The following SAMD12 variants were observed in gnomAD, a reference collection of about 807,000 sequenced individuals.
SAMD12 encodes sterile alpha motif domain containing 12, also known as sterile alpha motif domain-containing protein 12.
SAMD12 carries 9 observed loss-of-function variants against 15.0 expected under a neutral mutation model. That is an observed-to-expected ratio of 0.60 (90% CI 0.36 to 1.05). The LOEUF (loss-of-function observed/expected upper bound fraction) is 1.05. SAMD12 is among the 50% of genes least tolerant of loss of function. The probability of loss-of-function intolerance (pLI) is 0.01; values close to 1 mark genes in which losing one functional copy is unlikely to be tolerated. For synonymous variants in SAMD12, 86 were observed against 90.1 expected (o/e 0.96, Z 0.25); for missense variants, 230 against 234.2 (o/e 0.98, Z 0.12).
intron 2 of SAMD12, among the ~76,000 whole-genome samples, chr8:118,546,552 A>T (rs1221691278): frequency 6.6e-6 from 1 of 152,158 alleles, no homozygotes; most frequent in Non-Finnish European, 1.5e-5. Flanking sequence ...GCCCTATAAA[A>T]TACTTTAAAT....
At chr8:118,356,291 G>A (rs1818219801) in intron 4 of SAMD12, among the ~76,000 whole-genome samples, 2 of 152,176 alleles carry the variant, frequency 1.3e-5, no homozygotes, top group South Asian at 2.1e-4. Flanking sequence ...ACCATGGTGA[G>A]CCACTCTGTG....
chr8:118,535,848 C>T (rs1442372751), intron 2 of SAMD12, among the ~76,000 whole-genome samples: 5 of 152,212 alleles, frequency 3.3e-5, no homozygotes, highest in Non-Finnish European at 5.9e-5. Context: ...CCTTCTGTCA[C>T]GGCTCCCCTT....
In SAMD12 at chr8:118,302,044, C is replaced by G. The variant is rs1295226377; in HGVS notation, c.433+77516G>C. Among the ~76,000 whole-genome samples, 3 of 137,466 alleles carry G rather than the reference C, an allele frequency of 2.2e-5. No homozygotes were observed. The East Asian group carries it at 6.5e-4, about 30-fold the overall frequency. The allele number at this position is 137,466 out of a possible 152,430, so 90.2% of individuals were successfully genotyped here. On this transcript the variant is annotated intron_variant, in intron 4 of 4. Coordinates refer to the SAMD12 transcript ENST00000409003. ...ACAGATACTAGATTCAGGTAAAACT[C>G]TTCACAACATTTTCTAGCGCCAGAT...
the SAMD12 span, among the ~76,000 whole-genome samples, chr8:118,136,422 G>A: frequency 6.6e-6 from 1 of 152,202 alleles, no homozygotes; most frequent in Non-Finnish European, 1.5e-5. Flanking sequence ...AAAGTCATAA[G>A]GGAGAACTTA....
chr8:118,238,162 T>C (rs1040157464), intron 4 of SAMD12, among the ~76,000 whole-genome samples: 8 of 151,706 alleles, frequency 5.3e-5, no homozygotes, highest in African/African-American at 2.4e-5. Context: ...AAAATGGGGG[T>C]AGTAATAATA....
At chr8:118,603,784 C>A (rs1402511) in intron 1 of SAMD12, among the ~76,000 whole-genome samples, 72,604 of 151,950 alleles carry the variant, frequency 0.48, 20,711 homozygotes, top group Non-Finnish European at 0.62. Flanking sequence ...GAACAAATAT[C>A]AGAATTCTTT....
chr8:118,248,040 G>A (rs576502327), intron 4 of SAMD12, among the ~76,000 whole-genome samples: 45 of 152,144 alleles, frequency 3.0e-4, no homozygotes, highest in African/African-American at 9.1e-4. Flanking sequence ...CACAGATCCT[G>A]CTCTCAGAGT....
intron 2 of SAMD12, among the ~76,000 whole-genome samples, chr8:118,472,056 G>A (rs1048946882): frequency 1.3e-5 from 2 of 152,188 alleles, no homozygotes; most frequent in Non-Finnish European, 2.9e-5. Flanking sequence ...GGGAGGCCGA[G>A]GCGGGTGAAT....
intron 3 of SAMD12, 61 bp from the exon 4 acceptor site, chr8:118,379,761 C>T (rs1272299906): frequency 1.9e-6 from 3 of 1,573,372 alleles, no homozygotes; most frequent in Non-Finnish European, 2.6e-6. Context: ...GAAAGATGTC[C>T]ATTTTGGTCT....
At chr8:118,228,087 G>A (rs577441714) in intron 4 of SAMD12, among the ~76,000 whole-genome samples, 2 of 152,312 alleles carry the variant, frequency 1.3e-5, no homozygotes, top group South Asian at 4.1e-4. Flanking sequence ...GCCACATGTA[G>A]GAGAATGAAA....
intron 2 of SAMD12, among the ~76,000 whole-genome samples, chr8:118,454,978 T>A (rs1586730938): frequency 6.6e-6 from 1 of 152,234 alleles, no homozygotes; most frequent in Non-Finnish European, 1.5e-5. Context: ...CCCTCCTTTT[T>A]GAGGATGAAT....
At chr8:118,306,879 G>A (rs1214963400) in intron 4 of SAMD12, among the ~76,000 whole-genome samples, 1 of 152,090 alleles carries the variant, frequency 6.6e-6, no homozygotes, top group African/African-American at 2.4e-5. Context: ...TTTATACTTA[G>A]AATTGACGTA....
At chr8:118,297,450 C>T (rs528196553) in intron 4 of SAMD12, among the ~76,000 whole-genome samples, 3 of 152,158 alleles carry the variant, frequency 2.0e-5, no homozygotes, top group Admixed American at 6.5e-5. Context: ...CACCACCTTC[C>T]GAAGGGACTA....
At chr8:118,229,908 C>A (rs986971762) in intron 4 of SAMD12, among the ~76,000 whole-genome samples, 9 of 152,068 alleles carry the variant, frequency 5.9e-5, no homozygotes, top group Non-Finnish European at 1.3e-4. Flanking sequence ...AGGCTTCAAC[C>A]CTTATGAGTT....
At chr8:118,463,716 TTC>T (rs1280351745) in intron 2 of SAMD12, among the ~76,000 whole-genome samples, 1 of 152,048 alleles carries the variant, frequency 6.6e-6, no homozygotes, top group Admixed American at 6.6e-5. Flanking sequence ...GTCCCTTAAA[TTC>T]TCTCTGATTA....
intron 2 of SAMD12, among the ~76,000 whole-genome samples, chr8:118,514,458 A>G (rs1204436085): frequency 6.6e-6 from 1 of 152,208 alleles, no homozygotes; most frequent in East Asian, 1.9e-4. Context: ...TCTGTAAGTC[A>G]GACATTCTCA....
chr8:118,183,649 TG>T, the SAMD12 span, among the ~76,000 whole-genome samples: 1 of 152,156 alleles, frequency 6.6e-6, no homozygotes, highest in Non-Finnish European at 1.5e-5. Flanking sequence ...ATGTGTGAAA[TG>T]GGAACTATAA....
chr8:118,481,323 G>T (rs1254931364), intron 2 of SAMD12, among the ~76,000 whole-genome samples: 2 of 152,098 alleles, frequency 1.3e-5, no homozygotes, highest in Non-Finnish European at 2.9e-5. Flanking sequence ...TGAAAACACA[G>T]GCCATCTCTA....
At chr8:118,485,007 C>G (rs1463304879) in intron 2 of SAMD12, among the ~76,000 whole-genome samples, 1 of 152,158 alleles carries the variant, frequency 6.6e-6, no homozygotes. Flanking sequence ...GACCACCCAG[C>G]TGGAAATCTG....
Sources: gnomAD v4.1 joint callset for allele counts (sites outside exome capture counted in the v4.1 genomes callset) on GRCh38, gnomAD v4.1.1 for gene constraint, MANE v1.5 for transcripts, NCBI Gene and HGNC (gene_info 2026-07-23, HGNC 2026-07-21) for gene names.